Variants in BAIAP2 observed in about 807,000 individuals in gnomAD.
BAIAP2 encodes BAR/IMD domain-containing adapter protein 2.
A neutral mutation model predicts 63.0 loss-of-function variants in BAIAP2; 18 were observed. That is an observed-to-expected ratio of 0.29 (90% confidence interval 0.20 to 0.42). The LOEUF is 0.42. Ranked by LOEUF, BAIAP2 falls within the 10% of genes least tolerant of loss-of-function variation. The pLI is 1.00. For missense variants in BAIAP2, 610 were observed against 734.3 expected, an observed-to-expected ratio of 0.83 and a Z score of 1.96; for synonymous variants, 386 against 307.6, an observed-to-expected ratio of 1.25 and a Z score of -2.67.
intron 1 of BAIAP2, among the ~76,000 whole-genome samples, chr17:81,050,371 C>T (rs2048479627): frequency 1.6e-5 from 2 of 128,282 alleles, no homozygotes; most frequent in South Asian, 5.5e-4. Flanking sequence ...CCCGCTGTCT[C>T]CTGCATTCCT....
At chr17:81,102,133 GGCCTGT>G (rs2058574175) in intron 7 of BAIAP2, among the ~76,000 whole-genome samples, 1 of 120,450 alleles carries the variant, frequency 8.3e-6, no homozygotes, top group South Asian at 2.5e-4. Flanking sequence ...GTGTGGAAGA[GGCCTGT>G]GTCCCACAGA....
chr17:81,086,072 G>A (rs952199137), intron 5 of BAIAP2, among the ~76,000 whole-genome samples: 1 of 144,730 alleles, frequency 6.9e-6, no homozygotes, highest in Non-Finnish European at 1.5e-5. Flanking sequence ...CTGCCCCACC[G>A]CCACTCCTGT....
chr17:81,101,889 A>T (rs2058536508), intron 7 of BAIAP2, among the ~76,000 whole-genome samples: 1 of 152,096 alleles, frequency 6.6e-6, no homozygotes, highest in African/African-American at 2.4e-5. Context: ...TGTGGAGCGC[A>T]GGCCTCCCGC....
intron 12 of BAIAP2, 134 bp from the exon 13 acceptor site, chr17:81,108,340 TG>T: frequency 1.1e-6 from 1 of 934,084 alleles, no homozygotes; most frequent in Non-Finnish European, 1.7e-6. Context: ...AGCCAGGAGA[TG>T]GGGAGCCTTC....
At chr17:81,091,251 G>A (rs1434121508) in intron 6 of BAIAP2, among the ~76,000 whole-genome samples, 1 of 145,282 alleles carries the variant, frequency 6.9e-6, no homozygotes, top group African/African-American at 2.5e-5. Context: ...CTTGCCTCGC[G>A]GGGTCTACTG....
intron 4 of BAIAP2, 157 bp downstream of exon 4, chr17:81,085,050 G>GA: frequency 1.3e-6 from 1 of 746,998 alleles, no homozygotes; most frequent in Non-Finnish European, 2.3e-6. Flanking sequence ...AGCCACACTC[G>GA]AAGGAGGACG....
intron 13 of BAIAP2, among the ~76,000 whole-genome samples, chr17:81,113,497 G>A (rs959841154): frequency 4.6e-5 from 7 of 152,170 alleles, no homozygotes; most frequent in African/African-American, 9.7e-5. Flanking sequence ...TCCTGGGCGC[G>A]TCTTTCCCAG....
At chr17:81,085,917 G>A (rs2055538358) in intron 5 of BAIAP2, among the ~76,000 whole-genome samples, 192 bp downstream of exon 5, 1 of 152,274 alleles carries the variant, frequency 6.6e-6, no homozygotes, top group African/African-American at 2.4e-5. Flanking sequence ...ACCTGTGGGT[G>A]AATCCGTTGC....
intron 3 of BAIAP2, among the ~76,000 whole-genome samples, chr17:81,058,541 T>G (rs1431568236): frequency 6.6e-6 from 1 of 152,204 alleles, no homozygotes; most frequent in Non-Finnish European, 1.5e-5. Context: ...AGTCCATGCT[T>G]CCACAGTCCC....
intron 6 of BAIAP2, among the ~76,000 whole-genome samples, chr17:81,090,185 C>T (rs1409144972): frequency 2.0e-5 from 3 of 152,180 alleles, no homozygotes; most frequent in Non-Finnish European, 4.4e-5. Context: ...CCTTATGGGT[C>T]ATGTGGCCGC....
At chr17:81,044,189 A>G (rs2047474115) in intron 1 of BAIAP2, among the ~76,000 whole-genome samples, 1 of 152,168 alleles carries the variant, frequency 6.6e-6, no homozygotes, top group Admixed American at 6.5e-5. Flanking sequence ...CTGCTTGCTC[A>G]GCCACGGTTG....
chr17:81,043,578 C>A (rs2047380325), intron 1 of BAIAP2, among the ~76,000 whole-genome samples: 1 of 152,136 alleles, frequency 6.6e-6, no homozygotes, highest in Non-Finnish European at 1.5e-5. Context: ...GTCCTGGCAC[C>A]CGGGAGGCCC....
chr17:81,082,750 G>C (rs920014361), intron 3 of BAIAP2, among the ~76,000 whole-genome samples: 4 of 152,174 alleles, frequency 2.6e-5, no homozygotes, highest in African/African-American at 9.7e-5. Context: ...GAATGACTTG[G>C]GAGTCTGGGT....
chr17:81,051,162 A>G (rs1335405112), intron 1 of BAIAP2, among the ~76,000 whole-genome samples: 3 of 151,788 alleles, frequency 2.0e-5, no homozygotes, highest in Non-Finnish European at 4.4e-5. Context: ...GCTCAGTGCT[A>G]ACGCTGCTGT....
chr17:81,061,139 C>T (rs2050476700), intron 3 of BAIAP2, among the ~76,000 whole-genome samples: 1 of 152,232 alleles, frequency 6.6e-6, no homozygotes, highest in African/African-American at 2.4e-5. Flanking sequence ...AAAGTTTAGA[C>T]ATCATCGAAA....
Position 81,103,787 on chromosome 17 carries a change from G to A in BAIAP2, c.864+64G>A, listed in dbSNP as rs536348523. The A allele has an allele frequency of 3.8e-4, 596 of 1,574,780 alleles. 4 individuals are homozygous for A. Among genetic ancestry groups the A allele is most frequent in the East Asian group, 6.5e-4 (29 of 44,374 alleles). ...TGGGAGGGCAGCTTGTTGTCAGGGCGGGGGGCCGCCAGGGTGCAGAGTCCA... is the reference window on the plus strand; with the variant it reads ...TGGGAGGGCAGCTTGTTGTCAGGGCAGGGGGCCGCCAGGGTGCAGAGTCCA... On this transcript the variant is annotated intron_variant, in intron 8 of 13. Coordinates refer to ENST00000428708, the MANE Select transcript of BAIAP2 (RefSeq NM_001144888.2).
intron 1 of BAIAP2, among the ~76,000 whole-genome samples, chr17:81,038,240 G>GA (rs2046564747): frequency 6.6e-6 from 1 of 152,250 alleles, no homozygotes; most frequent in Non-Finnish European, 1.5e-5. Context: ...CCCTCTTGGG[G>GA]AAGCCCCGTG....
chr17:81,086,334 C>A, intron 5 of BAIAP2, 109 bp from the exon 6 acceptor site: 1 of 1,383,294 alleles, frequency 7.2e-7, no homozygotes, highest in Non-Finnish European at 9.9e-7. Flanking sequence ...GCAGGGCTGG[C>A]AAGGGGACCC....
intron 3 of BAIAP2, chr17:81,076,312 G>T (rs763582318): frequency 2.6e-5 from 4 of 152,354 alleles, no homozygotes; most frequent in Non-Finnish European, 5.9e-5. Context: ...CCTGGGAGGG[G>T]CTCACTGAGC....
Sources: allele counts gnomAD v4.1 joint callset (sites outside exome capture counted in the v4.1 genomes callset), GRCh38; gene constraint gnomAD v4.1.1; transcripts MANE v1.5; gene names NCBI Gene and HGNC (gene_info 2026-07-23, HGNC 2026-07-21).